DNAJC16: variants seen among roughly 807,000 people sequenced by gnomAD.
The protein encoded by DNAJC16 is DnaJ heat shock protein family (Hsp40) member C16.
Under a neutral mutation model 92.7 loss-of-function variants are expected in DNAJC16, and 76 were observed. The ratio of observed to expected loss-of-function variants is 0.82; its 90% CI spans 0.68 to 0.99. The LOEUF (loss-of-function observed/expected upper bound fraction) is 0.99, where lower values mean the gene tolerates loss of function less well. Ranked by LOEUF, DNAJC16 falls within the 50% of genes least tolerant of loss-of-function variation. The probability of loss-of-function intolerance (pLI) is 0.00; values close to 1 mark genes in which losing one functional copy is unlikely to be tolerated. For synonymous variants in DNAJC16, 328 were observed against 358.7 expected, an observed-to-expected ratio of 0.91 and a Z score of 0.97; for missense variants, 869 against 942.4, an observed-to-expected ratio of 0.92 and a Z score of 1.02.
At chr1:15,544,371 C>T (rs1379963716) in intron 4 of DNAJC16, 28 bp from the exon 5 acceptor site, 6 of 1,582,738 alleles carry the variant, frequency 3.8e-6, no homozygotes, top group Non-Finnish European at 5.2e-6. Flanking sequence ...CATAAAAAGG[C>T]TTCATTTGGA....
At chr1:15,561,381 A>G (rs892321383) in intron 8 of DNAJC16, among the ~76,000 whole-genome samples, 2 of 152,112 alleles carry the variant, frequency 1.3e-5, no homozygotes, top group African/African-American at 4.8e-5. Flanking sequence ...ACTAGGACAA[A>G]TAGTTTCTAA....
rs1356835997 is a variant in DNAJC16, at chr1:15,534,311, G to A, written c.234+8G>A. On this transcript the variant is annotated splice_region_variant and intron_variant, in intron 3 of 14. Coordinates refer to ENST00000375847, the MANE Select transcript of DNAJC16 (RefSeq NM_015291.4). ...ATCAGTAAGGCTTACGAGGTATCGT[G>A]TCCAGCTTTGTGATGCATCCATTAG... is the stretch of plus-strand genomic sequence containing the variant. 6.2e-7 allele frequency: 1 copy of A among 1,613,666 alleles called. No homozygotes were observed. Among genetic ancestry groups the A allele is most frequent in the Non-Finnish European group, 8.5e-7 (1 of 1,179,798 alleles).
chr1:15,529,193 C>T lies in DNAJC16; in HGVS notation c.88C>T (p.Pro30Ser), dbSNP rs369547946. The change falls in exon 2 of 15, where the codon CCA (proline) becomes TCA (serine). Residue 30 changes from proline (P) to serine (S), a missense_variant. Physicochemically the swap from Pro to Ser is moderately conservative, Grantham distance 74 (BLOSUM62 -1). Transcript: ENST00000375847. ...LQILSALDFD[P>S]YRVLGVSRTA... ...AATTCTGTCTGCGTTGGATTTTGACCCATACAGAGTCCTAGGGGTCAGCCG... is the reference window on the plus strand; with the variant it reads ...AATTCTGTCTGCGTTGGATTTTGACTCATACAGAGTCCTAGGGGTCAGCCG... 39 of 1,613,900 alleles carry T rather than the reference C, an allele frequency of 2.4e-5. No individual in the cohort carries two copies. Among genetic ancestry groups the T allele is most frequent in the Non-Finnish European group, 3.1e-5 (37 of 1,179,972 alleles).
At chr1:15,544,630 T>A (rs751542149) in intron 5 of DNAJC16, 47 bp downstream of exon 5, 1 of 1,578,874 alleles carries the variant, frequency 6.3e-7, no homozygotes, top group East Asian at 2.2e-5. Context: ...GTTTAAGAGG[T>A]ACCTAGGACT....
chr1:15,561,106 A>ATTTTTT (rs1198916749), intron 8 of DNAJC16, among the ~76,000 whole-genome samples: 1 of 132,704 alleles, frequency 7.5e-6, no homozygotes. Flanking sequence ...TCCCCTTTTC[A>ATTTTTT]TCTTTTTTTT....
chr1:15,546,082 A>G (rs978065297), intron 5 of DNAJC16, among the ~76,000 whole-genome samples: 1 of 152,146 alleles, frequency 6.6e-6, no homozygotes, highest in Non-Finnish European at 1.5e-5. Flanking sequence ...AGGTGTGAGC[A>G]TCGCTTGAGT....
chr1:15,542,861 T>A (rs1710964939), intron 4 of DNAJC16, among the ~76,000 whole-genome samples: 1 of 152,218 alleles, frequency 6.6e-6, no homozygotes. Context: ...CTCAGGTGGC[T>A]GAGGCAGGAA....
chr1:15,532,975 TG>T lies in DNAJC16; in HGVS notation c.168-1261del, dbSNP rs1473791639. On this transcript the variant is annotated intron_variant, in intron 2 of 14. Coordinates refer to ENST00000375847, the MANE Select transcript of DNAJC16 (RefSeq NM_015291.4). ...TTGTAGATTTTTTTTTATTCCAATG[TG>T]CTTGGTGTATCGTTAATAGTCATTT... Among the ~76,000 whole-genome samples the T allele has an allele frequency of 3.3e-5, 5 of 152,210 alleles. No individual in the cohort carries two copies. In the East Asian group the frequency reaches 9.6e-4, roughly 29 times the overall value.
intron 6 of DNAJC16, 104 bp from the exon 7 acceptor site, chr1:15,548,166 T>C: frequency 9.0e-7 from 1 of 1,111,326 alleles, no homozygotes; most frequent in Non-Finnish European, 1.3e-6. Context: ...CTGTGTAAGC[T>C]GGCATGTACC....
Position 15,564,107 on chromosome 1 carries a change from C to G in DNAJC16, c.1517C>G (p.Ala506Gly). The G allele has an allele frequency of 1.2e-6, 2 of 1,613,992 alleles. No individual in the cohort carries two copies. The highest frequency in any genetic ancestry group is 1.7e-6 in the Non-Finnish European group (2 of 1,179,936). Residue 506 changes from alanine (A) to glycine (G), a missense_variant, in exon 10 of 15, where the codon GCC becomes GGC. Transcript: ENST00000375847. ...CTTCCTGACCTGACCGATGAACTTG[C>G]CCCTGTGAGCATCGGGGCTGGGAAG... Reference protein sequence around the residue: ...AVLPDLTDELAPVFLLRWFYS... With the variant: ...AVLPDLTDELGPVFLLRWFYS...
chr1:15,529,749 C>A (rs1418221274), intron 2 of DNAJC16, among the ~76,000 whole-genome samples: 3 of 151,640 alleles, frequency 2.0e-5, no homozygotes, highest in Admixed American at 2.0e-4. Context: ...AATTCAGAAA[C>A]CAAGGATAGT....
chr1:15,544,185 C>CACACACAT (rs995957267), intron 4 of DNAJC16, among the ~76,000 whole-genome samples: 9 of 147,902 alleles, frequency 6.1e-5, no homozygotes, highest in African/African-American at 2.0e-4. Context: ...CACACACACA[C>CACACACAT]ATTTGTAACT....
chr1:15,564,624 G>A (rs952891637), intron 11 of DNAJC16, among the ~76,000 whole-genome samples: 10 of 151,394 alleles, frequency 6.6e-5, no homozygotes, highest in African/African-American at 2.2e-4. Flanking sequence ...CGCCTCCCAG[G>A]TTCAAGCAAT....
chr1:15,536,369 C>T (rs1710784852), intron 3 of DNAJC16, 106 bp from the exon 4 acceptor site: 2 of 949,058 alleles, frequency 2.1e-6, no homozygotes, highest in African/African-American at 1.7e-5. Flanking sequence ...TGTGAGCCAC[C>T]ACGACTGGCT....
chr1:15,567,048 G>T, intron 13 of DNAJC16, 51 bp from the exon 14 acceptor site: 1 of 1,536,124 alleles, frequency 6.5e-7, no homozygotes, highest in Non-Finnish European at 8.9e-7. Context: ...TCAAAGTAAC[G>T]GCTTTCCCCC....
chr1:15,544,291 C>T (rs1638232477), intron 4 of DNAJC16, 108 bp from the exon 5 acceptor site: 10 of 1,083,000 alleles, frequency 9.2e-6, no homozygotes, highest in East Asian at 5.2e-5. Context: ...GGAAAGACAT[C>T]TCCTATGAGG....
chr1:15,558,917 G>C (rs990715810), intron 7 of DNAJC16, among the ~76,000 whole-genome samples: 1 of 152,086 alleles, frequency 6.6e-6, no homozygotes, highest in Non-Finnish European at 1.5e-5. Context: ...TTTTCGTTTT[G>C]GGTTTTTGTT....
At position 15,571,213 on chromosome 1, in the gene DNAJC16, C is replaced by T. The variant is rs1027696523; in HGVS notation, c.*3036C>T. On this transcript the variant is annotated 3_prime_UTR_variant, in exon 15 of 15. Coordinates refer to ENST00000375847, the MANE Select transcript of DNAJC16 (RefSeq NM_015291.4). ...AGGTTGGTTTCTTCCTCATTTGCAG[C>T]TTGTTGATACTTGTTCCTTTTTATT... 4 of 152,160 alleles carry T rather than the reference C, an allele frequency of 2.6e-5. No homozygotes were observed. The highest frequency in any genetic ancestry group is 7.2e-5 in the African/African-American group (3 of 41,440). The allele number at this position is 152,160 out of a possible 1,614,324, so 9.4% of individuals were successfully genotyped here.
At chr1:15,531,148 G>A (rs1411908596) in intron 2 of DNAJC16, among the ~76,000 whole-genome samples, 1 of 152,172 alleles carries the variant, frequency 6.6e-6, no homozygotes, top group Non-Finnish European at 1.5e-5. Context: ...TGGGCTAATG[G>A]TTGGCTGGGG....
Sources: allele counts gnomAD v4.1 joint callset (sites outside exome capture counted in the v4.1 genomes callset), GRCh38; gene constraint gnomAD v4.1.1; transcripts MANE v1.5; gene names NCBI Gene and HGNC (gene_info 2026-07-23, HGNC 2026-07-21).